PDE8B: variants seen among roughly 807,000 people sequenced by gnomAD.
The protein encoded by PDE8B is high affinity cAMP-specific and IBMX-insensitive 3',5'-cyclic phosphodiesterase 8B.
PDE8B carries 26 observed loss-of-function variants against 101.3 expected under a neutral mutation model. The ratio of observed to expected loss-of-function variants is 0.26; its 90% CI spans 0.19 to 0.36. The LOEUF (loss-of-function observed/expected upper bound fraction) is 0.36, where lower values mean the gene tolerates loss of function less well. Ranked by LOEUF, PDE8B falls within the 10% of genes least tolerant of loss-of-function variation. The probability of loss-of-function intolerance (pLI) is 1.00; values close to 1 mark genes in which losing one functional copy is unlikely to be tolerated. For missense variants in PDE8B, 810 were observed against 1,163.1 expected, an observed-to-expected ratio of 0.70 and a Z score of 4.42; for synonymous variants, 424 against 429.3, an observed-to-expected ratio of 0.99 and a Z score of 0.15.
the PDE8B span, chr5:77,144,694 C>T: frequency 2.0e-5 from 3 of 151,856 alleles, no homozygotes; most frequent in Admixed American, 2.0e-4. Context: ...GAAAGGCAGT[C>T]TTTGCAGACC....
the PDE8B span, among the ~76,000 whole-genome samples, chr5:77,157,020 A>G: frequency 4.6e-5 from 7 of 152,144 alleles, no homozygotes; most frequent in East Asian, 7.7e-4. Flanking sequence ...AGACAGGTCC[A>G]CTGGGGTCCA....
intron 1 of PDE8B, among the ~76,000 whole-genome samples, chr5:77,226,191 G>A (rs1752361981): frequency 1.3e-5 from 2 of 151,424 alleles, no homozygotes; most frequent in African/African-American, 2.4e-5. Context: ...ATGCATCAAC[G>A]TAAAATATGG....
At chr5:77,389,858 C>T (rs1022937515) in intron 10 of PDE8B, among the ~76,000 whole-genome samples, 5 of 152,168 alleles carry the variant, frequency 3.3e-5, no homozygotes, top group Non-Finnish European at 5.9e-5. Flanking sequence ...CTGATGGACT[C>T]CAGGGCTGTT....
Position 77,425,312 on chromosome 5 carries a change from G to A in PDE8B, c.2419-455G>A, listed in dbSNP as rs144652555. 4.5e-3 allele frequency among the ~76,000 whole-genome samples: 692 copies of A among 152,282 alleles called. 2 individuals are homozygous for A. Among genetic ancestry groups the A allele is most frequent in the African/African-American group, 0.016 (668 of 41,556 alleles). ...ACAGTGGCTCGTGCCTATAATCCCA[G>A]CACTTTGGGAGGCCAAGGGAGGCAG... is the stretch of plus-strand genomic sequence containing the variant. On this transcript the variant is annotated intron_variant, in intron 20 of 21. Transcript: ENST00000264917.
intron 4 of PDE8B, among the ~76,000 whole-genome samples, chr5:77,329,441 A>AT (rs1039713127): frequency 3.3e-5 from 5 of 151,924 alleles, no homozygotes; most frequent in African/African-American, 4.8e-5. Context: ...GAAGAAACAC[A>AT]TTTTTTTTCA....
chr5:77,345,838 G>A (rs1780055284), intron 7 of PDE8B, among the ~76,000 whole-genome samples: 1 of 152,164 alleles, frequency 6.6e-6, no homozygotes, highest in African/African-American at 2.4e-5. Flanking sequence ...AAGACAGTGG[G>A]CAACACACAG....
chr5:77,142,650 G>C, the PDE8B span, among the ~76,000 whole-genome samples: 27 of 152,224 alleles, frequency 1.8e-4, no homozygotes, highest in Admixed American at 1.7e-3. Flanking sequence ...ATTCAGAAAG[G>C]GGGAAAGGAG....
intron 19 of PDE8B, among the ~76,000 whole-genome samples, chr5:77,420,525 A>T (rs555587896): frequency 6.6e-6 from 1 of 152,204 alleles, no homozygotes; most frequent in Admixed American, 6.5e-5. Context: ...CTTTCCGCTC[A>T]TTCCTGTTGA....
intron 1 of PDE8B, among the ~76,000 whole-genome samples, chr5:77,299,861 A>G (rs1561491053): frequency 6.6e-6 from 1 of 152,168 alleles, no homozygotes; most frequent in Non-Finnish European, 1.5e-5. Context: ...GACTTCCACA[A>G]TGGTTGAACT....
chr5:77,201,453 T>G, the PDE8B span, among the ~76,000 whole-genome samples: 2 of 152,074 alleles, frequency 1.3e-5, no homozygotes. Context: ...TCTCTCACAT[T>G]CTAATCATGT....
the PDE8B span, among the ~76,000 whole-genome samples, chr5:77,189,789 C>G: frequency 3.3e-5 from 5 of 152,074 alleles, no homozygotes; most frequent in Non-Finnish European, 5.9e-5. Context: ...GGGGGTCTGA[C>G]AGTTTGTAGG....
the PDE8B span, among the ~76,000 whole-genome samples, chr5:77,198,645 C>A: frequency 6.6e-6 from 1 of 152,094 alleles, no homozygotes; most frequent in African/African-American, 2.4e-5. Context: ...TAGTCCTGAG[C>A]CACCTATTTT....
At chr5:77,115,064 C>T in the PDE8B span, 1 of 152,142 alleles carries the variant, frequency 6.6e-6, no homozygotes, top group Non-Finnish European at 1.5e-5. Context: ...ACCTTATTGG[C>T]CAAATGTGCC....
chr5:77,363,709 C>T (rs922050837), intron 10 of PDE8B, among the ~76,000 whole-genome samples: 13 of 135,698 alleles, frequency 9.6e-5, no homozygotes, highest in Non-Finnish European at 1.9e-4. Flanking sequence ...AAGACTCCAT[C>T]GCAGAAAAAA....
At chr5:77,323,985 G>T (rs576046771) in intron 2 of PDE8B, among the ~76,000 whole-genome samples, 45 of 152,120 alleles carry the variant, frequency 3.0e-4, no homozygotes, top group African/African-American at 1.0e-3. Flanking sequence ...ACAAAAAAAA[G>T]TATTTTTCAA....
chr5:77,101,138 T>G, the PDE8B span, among the ~76,000 whole-genome samples: 1,112 of 150,430 alleles, frequency 7.4e-3, 13 homozygotes, highest in African/African-American at 0.025. Context: ...CCTGCCTGTT[T>G]TTTTTTTTTT....
chr5:77,260,133 G>A (rs1210625200), intron 1 of PDE8B, among the ~76,000 whole-genome samples: 1 of 137,496 alleles, frequency 7.3e-6, no homozygotes, highest in Non-Finnish European at 1.5e-5. Flanking sequence ...CTCCAGCCTG[G>A]GCAACAAGAG....
At chr5:77,278,306 T>C (rs1764234082) in intron 1 of PDE8B, among the ~76,000 whole-genome samples, 2 of 152,184 alleles carry the variant, frequency 1.3e-5, no homozygotes, top group South Asian at 4.2e-4. Flanking sequence ...TACTAAGTTG[T>C]CATTACAAAT....
chr5:77,278,254 G>A (rs936900083), intron 1 of PDE8B, among the ~76,000 whole-genome samples: 1 of 152,162 alleles, frequency 6.6e-6, no homozygotes, highest in Non-Finnish European at 1.5e-5. Context: ...GGTTCTGGTA[G>A]GTAGGAACCT....
Sources: allele counts gnomAD v4.1 joint callset (sites outside exome capture counted in the v4.1 genomes callset), GRCh38; gene constraint gnomAD v4.1.1; transcripts MANE v1.5; gene names NCBI Gene and HGNC (gene_info 2026-07-23, HGNC 2026-07-21).